The following CD82 variants were observed in gnomAD, a reference collection of about 807,000 sequenced individuals.
CD82 encodes CD82 molecule.
A neutral mutation model predicts 37.4 loss-of-function variants in CD82; 36 were observed. The observed-to-expected ratio is 0.96, with a 90% CI of 0.74 to 1.27. The LOEUF is 1.27. Among genes scored for constraint, CD82 ranks in the 50% most tolerant of loss-of-function variants. The pLI is 0.00. For missense variants in CD82, 340 were observed against 347.0 expected (o/e 0.98, Z 0.16); for synonymous variants, 158 against 137.4 (o/e 1.15, Z -1.05).
intron 6 of CD82, among the ~76,000 whole-genome samples, chr11:44,613,767 G>A (rs1328909501): frequency 6.6e-6 from 1 of 151,882 alleles, no homozygotes; most frequent in African/African-American, 2.4e-5. Context: ...AAGTTGCAGT[G>A]AACTGAGATC....
chr11:44,600,272 AG>A (rs1200477935), intron 4 of CD82, 42 bp downstream of exon 4: 4 of 1,583,836 alleles, frequency 2.5e-6, no homozygotes, highest in Non-Finnish European at 3.5e-6. Flanking sequence ...CCCACTGAAG[AG>A]GGGAGGGCCA....
At chr11:44,601,516 C>T (rs978407339) in intron 4 of CD82, among the ~76,000 whole-genome samples, 2 of 152,176 alleles carry the variant, frequency 1.3e-5, no homozygotes, top group African/African-American at 4.8e-5. Flanking sequence ...CATGGCCCAA[C>T]CCAGCAGGCA....
At chr11:44,618,524 C>A in intron 8 of CD82, 116 bp from the exon 9 acceptor site, 1 of 1,080,276 alleles carries the variant, frequency 9.3e-7, no homozygotes, top group Non-Finnish European at 1.4e-6. Context: ...ATTCAAGGAA[C>A]AGGCAGAGCC....
chr11:44,605,062 C>T lies in CD82; in HGVS notation c.141C>T (p.Thr47=). Residue 47 remains threonine, a synonymous_variant, in exon 5 of 10, where the codon ACC becomes ACT. Transcript: ENST00000227155. ...TGTACTTCTTCTTCCCCCTAGAAAC[C>T]TCCTCCAGCTCGCTTAGGATGGGGG... ...DKSSFISVLQ[T]SSSSLRMGAY... is the part of the protein sequence containing the mutation. 1 of 1,614,210 alleles carries T rather than the reference C, an allele frequency of 6.2e-7. No homozygotes were observed. The highest frequency in any genetic ancestry group is 1.3e-5 in the African/African-American group (1 of 75,044).
chr11:44,599,162 G>A (rs1853271811), intron 3 of CD82, among the ~76,000 whole-genome samples: 1 of 152,104 alleles, frequency 6.6e-6, no homozygotes, highest in African/African-American at 2.4e-5. Flanking sequence ...TTTTTGTGGG[G>A]GGCAGAGTGA....
intron 1 of CD82, among the ~76,000 whole-genome samples, chr11:44,567,136 T>C (rs1189929601): frequency 6.6e-6 from 1 of 151,998 alleles, no homozygotes. Flanking sequence ...CCAGATGAGA[T>C]TTCATGGGTC....
chr11:44,572,735 G>T (rs1037424693), intron 1 of CD82, among the ~76,000 whole-genome samples: 63 of 152,252 alleles, frequency 4.1e-4, no homozygotes, highest in Non-Finnish European at 3.7e-4. Context: ...GTTCCTTAAT[G>T]ACCATTCTGA....
intron 1 of CD82, among the ~76,000 whole-genome samples, chr11:44,581,117 G>C (rs1056529704): frequency 1.3e-5 from 2 of 152,212 alleles, no homozygotes; most frequent in South Asian, 2.1e-4. Context: ...TCTTCAGTTG[G>C]TTGGGTTTGG....
chr11:44,617,411 T>C (rs1284210253), intron 7 of CD82, among the ~76,000 whole-genome samples: 3 of 151,816 alleles, frequency 2.0e-5, no homozygotes, highest in Non-Finnish European at 4.4e-5. Flanking sequence ...ATACAAACAT[T>C]AGCCGGGCGT....
intron 4 of CD82, among the ~76,000 whole-genome samples, chr11:44,602,923 T>G (rs559585609): frequency 6.6e-6 from 1 of 152,344 alleles, no homozygotes; most frequent in Non-Finnish European, 1.5e-5. Flanking sequence ...CTAGCCTTTC[T>G]GAGCCTCGGG....
At chr11:44,571,516 G>A (rs1210774267) in intron 1 of CD82, among the ~76,000 whole-genome samples, 1 of 152,214 alleles carries the variant, frequency 6.6e-6, no homozygotes, top group Non-Finnish European at 1.5e-5. Flanking sequence ...ATTTAAGACA[G>A]CGCCTGGCAC....
chr11:44,585,275 A>G, intron 1 of CD82: 2 of 456,240 alleles, frequency 4.4e-6, no homozygotes, highest in Non-Finnish European at 8.8e-6. Context: ...TTTCCAGATC[A>G]TCATCATCAT....
intron 1 of CD82, among the ~76,000 whole-genome samples, chr11:44,567,019 T>C (rs1852745597): frequency 6.6e-6 from 1 of 152,166 alleles, no homozygotes; most frequent in African/African-American, 2.4e-5. Flanking sequence ...TAGAGAGAGC[T>C]AGAGGATACA....
At chr11:44,575,775 C>T (rs1022552548) in intron 1 of CD82, among the ~76,000 whole-genome samples, 4 of 152,176 alleles carry the variant, frequency 2.6e-5, no homozygotes, top group Non-Finnish European at 4.4e-5. Flanking sequence ...CCCCTTCTCC[C>T]ATGTGTCCTT....
chr11:44,605,008 G>T, intron 4 of CD82, 50 bp from the exon 5 acceptor site: 2 of 1,613,918 alleles, frequency 1.2e-6, no homozygotes, highest in Non-Finnish European at 1.7e-6. Context: ...GTTAGGCCAG[G>T]TGTTTATACC....
intron 3 of CD82, among the ~76,000 whole-genome samples, chr11:44,599,304 G>A (rs988833420): frequency 6.6e-6 from 1 of 152,138 alleles, no homozygotes; most frequent in Non-Finnish European, 1.5e-5. Context: ...CCACCACATT[G>A]GCTAATTTTT....
In CD82 at chr11:44,595,249, C is replaced by T. The variant is rs1853205722; in HGVS notation, c.63+524C>T. ...CCAGTGAAGGGCACATACCTCCTTC[C>T]CCAGACCCACCCCAGCAGATGGGCC... On this transcript the variant is annotated intron_variant, in intron 3 of 9. Coordinates refer to ENST00000227155, the MANE Select transcript of CD82 (RefSeq NM_002231.4). Among the ~76,000 whole-genome samples the T allele has an allele frequency of 2.0e-5, 3 of 151,974 alleles. No individual in the cohort carries two copies. The South Asian group carries it at 6.2e-4, about 31-fold the overall frequency.
At chr11:44,599,574 G>A (rs1565089545) in intron 3 of CD82, among the ~76,000 whole-genome samples, 3 of 152,262 alleles carry the variant, frequency 2.0e-5, no homozygotes, top group South Asian at 2.1e-4. Flanking sequence ...TGCCCTCAGG[G>A]AGCTCACAGT....
chr11:44,612,504 G>C (rs1000880452), intron 6 of CD82, among the ~76,000 whole-genome samples: 1 of 144,472 alleles, frequency 6.9e-6, no homozygotes, highest in African/African-American at 2.6e-5. Context: ...TGACAGGAAA[G>C]CTTTGTAAAT....
Sources: allele counts gnomAD v4.1 joint callset (sites outside exome capture counted in the v4.1 genomes callset), GRCh38; gene constraint gnomAD v4.1.1; transcripts MANE v1.5; gene names NCBI Gene and HGNC (gene_info 2026-07-23, HGNC 2026-07-21).